PADI2: variants seen among roughly 807,000 people sequenced by gnomAD.
The protein encoded by PADI2 is peptidyl arginine deiminase 2.
PADI2 carries 70 observed loss-of-function variants against 81.1 expected under a neutral mutation model. The ratio of observed to expected loss-of-function variants is 0.86; its 90% CI spans 0.71 to 1.05. The LOEUF is 1.05. Among genes scored for constraint, PADI2 ranks in the 50% least tolerant of loss-of-function variants. The probability of loss-of-function intolerance (pLI) is 0.00; values close to 1 mark genes in which losing one functional copy is unlikely to be tolerated. For synonymous variants in PADI2, 338 were observed against 358.0 expected, an observed-to-expected ratio of 0.94 and a Z score of 0.63; for missense variants, 853 against 889.9, an observed-to-expected ratio of 0.96 and a Z score of 0.53.
intron 1 of PADI2, among the ~76,000 whole-genome samples, chr1:17,111,056 T>C (rs1478408579): frequency 6.6e-6 from 1 of 150,674 alleles, no homozygotes; most frequent in Non-Finnish European, 1.5e-5. Context: ...GCAAACACAT[T>C]CCCTGGGCCC....
chr1:17,081,663 A>T (rs898066093), intron 10 of PADI2, among the ~76,000 whole-genome samples: 1 of 152,202 alleles, frequency 6.6e-6, no homozygotes. Context: ...AACCTCCCCC[A>T]GCCTGTTCAG....
chr1:17,088,074 G>C (rs1238687658), intron 6 of PADI2, among the ~76,000 whole-genome samples: 3 of 152,202 alleles, frequency 2.0e-5, no homozygotes, highest in Non-Finnish European at 4.4e-5. Context: ...AGATGGAGCA[G>C]ATGTGGGAAG....
intron 3 of PADI2, among the ~76,000 whole-genome samples, chr1:17,101,967 T>A (rs1300651432): frequency 6.6e-6 from 1 of 152,178 alleles, no homozygotes; most frequent in Admixed American, 6.5e-5. Context: ...TGGCACACCA[T>A]AGGTGCTCAA....
rs1404980851 is a variant in PADI2, at chr1:17,104,930, G to T, written c.224C>A (p.Thr75Asn). The part of the protein sequence containing the change: ...GKQRWLLSPS[T>N]TLRVTMSQAS... The stretch of plus-strand genomic sequence containing the variant: ...CTGGCTCATGGTGACCCGCAGGGTG[G>T]TGCTGGGCGAGAGAAGCCAGCGCTG... The change falls in exon 2 of 16, where the codon ACC becomes AAC. Residue 75 changes from threonine to asparagine, a missense_variant. Physicochemically the swap from Thr to Asn is moderately conservative, Grantham distance 65 (BLOSUM62 0). Transcript: ENST00000375486. The T allele has an allele frequency of 6.2e-7, 1 of 1,604,816 alleles. No homozygotes were observed. The highest frequency in any genetic ancestry group is 8.5e-7 in the Non-Finnish European group (1 of 1,177,938).
At chr1:17,089,856 T>C (rs990221739) in intron 6 of PADI2, among the ~76,000 whole-genome samples, 3 of 152,148 alleles carry the variant, frequency 2.0e-5, no homozygotes, top group South Asian at 2.1e-4. Context: ...GCCCCAGGCA[T>C]TGGCTGGCAC....
At chr1:17,106,778 A>ACAG (rs1553183960) in intron 1 of PADI2, among the ~76,000 whole-genome samples, 1 of 149,838 alleles carries the variant, frequency 6.7e-6, no homozygotes, top group African/African-American at 2.5e-5. Context: ...GAAAGATGAG[A>ACAG]GAGGAGGAGG....
intron 3 of PADI2, among the ~76,000 whole-genome samples, chr1:17,100,045 T>G (rs71575813): frequency 2.0e-5 from 3 of 150,474 alleles, no homozygotes; most frequent in African/African-American, 7.3e-5. Flanking sequence ...ATATTGGGGT[T>G]GGGGGGGGGC....
intron 13 of PADI2, among the ~76,000 whole-genome samples, chr1:17,073,043 T>C (rs2078275131): frequency 6.6e-6 from 1 of 152,152 alleles, no homozygotes; most frequent in South Asian, 2.1e-4. Context: ...GTCATGTAAG[T>C]ATCAACCAGC....
intron 11 of PADI2, among the ~76,000 whole-genome samples, chr1:17,078,270 C>G (rs1415761279): frequency 1.3e-5 from 2 of 152,022 alleles, no homozygotes; most frequent in Admixed American, 6.6e-5. Flanking sequence ...TGCCACCACG[C>G]CCGGCTAATT....
chr1:17,076,217 CT>C lies in PADI2; in HGVS notation c.1311-395del, dbSNP rs113475157. Among the ~76,000 whole-genome samples, 166 of 150,198 alleles carry C rather than the reference CT, an allele frequency of 1.1e-3. 2 individuals are homozygous for C. The highest frequency in any genetic ancestry group is 3.2e-3 in the African/African-American group (132 of 40,940). On this transcript the variant is annotated intron_variant, in intron 11 of 15. Coordinates refer to ENST00000375486, the MANE Select transcript of PADI2 (RefSeq NM_007365.3). ...TACATTAACTTCTACTTACTTTAAT[CT>C]TTTTTTTTTCCCCCGAGATGGAGTC...
intron 6 of PADI2, among the ~76,000 whole-genome samples, chr1:17,087,888 G>A (rs1016220557): frequency 4.6e-5 from 7 of 152,194 alleles, no homozygotes; most frequent in Admixed American, 2.0e-4. Flanking sequence ...CCGGCACATG[G>A]TCATGTTTAA....
intron 11 of PADI2, among the ~76,000 whole-genome samples, chr1:17,076,743 A>C (rs1361849646): frequency 6.6e-6 from 1 of 151,298 alleles, no homozygotes; most frequent in Non-Finnish European, 1.5e-5. Flanking sequence ...CGCCCAGCTA[A>C]TTTTTTTGCA....
At chr1:17,112,862 G>A (rs1931632797) in intron 1 of PADI2, among the ~76,000 whole-genome samples, 1 of 152,186 alleles carries the variant, frequency 6.6e-6, no homozygotes, top group Admixed American at 6.5e-5. Context: ...TCTGAACGAT[G>A]TATTCAAAGC....
At position 17,083,747 on chromosome 1, in the gene PADI2, G is replaced by A. The variant is rs753509180; in HGVS notation, c.1029C>T (p.Asn343=). ...CELKVCFQYL[N]RGDRWIQDEI... is the part of the protein sequence containing the mutation. Reference sequence around the variant, plus strand: ...TTACCTGGATCCAGCGATCGCCTCGGTTTAGGTACTGGAAGCAGACCTTCA... The same window carrying A: ...TTACCTGGATCCAGCGATCGCCTCGATTTAGGTACTGGAAGCAGACCTTCA... Residue 343 remains asparagine, a synonymous_variant, in exon 9 of 16, where the codon AAC becomes AAT. Coordinates refer to ENST00000375486, the MANE Select transcript of PADI2 (RefSeq NM_007365.3). 6.2e-7 allele frequency: 1 copy of A among 1,612,896 alleles called. No homozygotes were observed. The highest frequency in any genetic ancestry group is 1.1e-5 in the South Asian group (1 of 91,058).
chr1:17,108,236 A>G (rs1235920772), intron 1 of PADI2, among the ~76,000 whole-genome samples: 1 of 152,154 alleles, frequency 6.6e-6, no homozygotes, highest in Non-Finnish European at 1.5e-5. Flanking sequence ...GGCGTGAGCC[A>G]CCGTGCCTGG....
rs1490644840 is a variant in PADI2 at position 17,069,270 on chromosome 1, A to G, written c.1772T>C (p.Met591Thr). The change falls in exon 16 of 16, where the codon ATG (methionine) becomes ACG (threonine). Residue 591 changes from methionine to threonine, a missense_variant. By Grantham distance (81) the Met-to-Thr change is moderately conservative. Transcript: ENST00000375486. ...ARAFFPNMVN[M>T]IVLDKDLGIP... ...GCCCAGGTCCTTGTCCAGCACGATCATGTTCACCTGTGACGGGGGATTGCG... is the reference window on the plus strand; with the variant it reads ...GCCCAGGTCCTTGTCCAGCACGATCGTGTTCACCTGTGACGGGGGATTGCG... The G allele has an allele frequency of 6.2e-7, 1 of 1,613,650 alleles. No individual in the cohort carries two copies. Among genetic ancestry groups the G allele is most frequent in the Non-Finnish European group, 8.5e-7 (1 of 1,179,622 alleles).
chr1:17,076,464 T>A (rs148060330), intron 11 of PADI2, among the ~76,000 whole-genome samples: 20 of 152,246 alleles, frequency 1.3e-4, no homozygotes, highest in African/African-American at 4.8e-4. Flanking sequence ...CCGCCCTCCT[T>A]GGCCTCCCAA....
chr1:17,096,593 A>G (rs1930941789), intron 3 of PADI2, among the ~76,000 whole-genome samples: 1 of 152,174 alleles, frequency 6.6e-6, no homozygotes, highest in Admixed American at 6.5e-5. Context: ...GTGAGTCTAG[A>G]TGGAGGATCC....
At chr1:17,106,697 C>T (rs1404323273) in intron 1 of PADI2, among the ~76,000 whole-genome samples, 3 of 152,076 alleles carry the variant, frequency 2.0e-5, no homozygotes, top group African/African-American at 4.8e-5. Context: ...CCCACCTCAG[C>T]CTCCCAAAGT....
Sources: allele counts gnomAD v4.1 joint callset (sites outside exome capture counted in the v4.1 genomes callset), GRCh38; gene constraint gnomAD v4.1.1; transcripts MANE v1.5; gene names NCBI Gene and HGNC (gene_info 2026-07-23, HGNC 2026-07-21).